The following MDGA2 variants were observed in gnomAD, a reference collection of about 807,000 sequenced individuals.
The protein encoded by MDGA2 is MAM domain containing glycosylphosphatidylinositol anchor 2.
A neutral mutation model predicts 117.8 loss-of-function variants in MDGA2; 40 were observed. The observed-to-expected ratio is 0.34, with a 90% CI of 0.26 to 0.44. MDGA2 has a LOEUF of 0.44. MDGA2 is among the 20% of genes least tolerant of loss of function. MDGA2 has a pLI of 1.00. For synonymous variants in MDGA2, 452 were observed against 439.0 expected, an observed-to-expected ratio of 1.03 and a Z score of -0.37; for missense variants, 1,123 against 1,250.6, an observed-to-expected ratio of 0.90 and a Z score of 1.54.
At chr14:47,233,926 TCTAAGAAAATAGGTGACACAATTGAAA>T (rs1886775423) in intron 2 of MDGA2, among the ~76,000 whole-genome samples, 1 of 152,148 alleles carries the variant, frequency 6.6e-6, no homozygotes, top group Admixed American at 6.5e-5. Context: ...ACTCAGGTCC[TCTAAGAAAATAGGTGACACAATTGAAA>T]CTATTCAGCC....
intron 6 of MDGA2, among the ~76,000 whole-genome samples, chr14:47,082,690 A>G (rs1890752352): frequency 6.6e-6 from 1 of 152,080 alleles, no homozygotes; most frequent in African/African-American, 2.4e-5. Context: ...AGTCAGTAAA[A>G]AATAAGACTT....
intron 7 of MDGA2, chr14:47,058,791 G>C: frequency 1.0e-6 from 1 of 985,454 alleles, no homozygotes; most frequent in Non-Finnish European, 1.2e-6. Flanking sequence ...CTTTAGGTTA[G>C]GCATCATCTT....
intron 2 of MDGA2, among the ~76,000 whole-genome samples, chr14:47,298,548 G>A (rs1190851148): frequency 1.3e-5 from 2 of 152,080 alleles, no homozygotes; most frequent in African/African-American, 4.8e-5. Context: ...TCTCATATCA[G>A]CCAAGAAAAA....
At chr14:46,989,296 C>T (rs1440787739) in intron 8 of MDGA2, among the ~76,000 whole-genome samples, 1 of 150,908 alleles carries the variant, frequency 6.6e-6, no homozygotes, top group Non-Finnish European at 1.5e-5. Context: ...TCCCCCCACA[C>T]ATATCAGAAA....
At chr14:47,412,940 A>C (rs1170567449) in intron 1 of MDGA2, among the ~76,000 whole-genome samples, 1 of 152,218 alleles carries the variant, frequency 6.6e-6, no homozygotes, top group African/African-American at 2.4e-5. Flanking sequence ...AAGGAAATGG[A>C]TGTATCTCAG....
chr14:46,943,127 G>C (rs1165061827), intron 9 of MDGA2, among the ~76,000 whole-genome samples: 1 of 151,940 alleles, frequency 6.6e-6, no homozygotes, highest in Non-Finnish European at 1.5e-5. Context: ...TCCTGTTGTA[G>C]TATTATTGTG....
chr14:47,199,305 T>C (rs1422173381), intron 3 of MDGA2, among the ~76,000 whole-genome samples: 2 of 152,204 alleles, frequency 1.3e-5, no homozygotes, highest in African/African-American at 4.8e-5. Flanking sequence ...CTTCCCATCT[T>C]CCAATTCAAC....
chr14:47,093,602 A>G (rs966007043), intron 6 of MDGA2, among the ~76,000 whole-genome samples: 5 of 152,102 alleles, frequency 3.3e-5, no homozygotes, highest in Non-Finnish European at 7.4e-5. Context: ...TTCTTAAAAA[A>G]CTATAAGAAA....
intron 9 of MDGA2, among the ~76,000 whole-genome samples, chr14:46,953,710 TTAAAG>T (rs1349853296): frequency 4.6e-5 from 7 of 151,988 alleles, no homozygotes; most frequent in African/African-American, 4.8e-5. Context: ...AACAAGTCTG[TTAAAG>T]TAAAGAAATA....
At chr14:47,665,491 G>A (rs1443644730) in intron 1 of MDGA2, among the ~76,000 whole-genome samples, 1 of 152,188 alleles carries the variant, frequency 6.6e-6, no homozygotes, top group Non-Finnish European at 1.5e-5. Flanking sequence ...GGCTGGCTGA[G>A]GCTGGAGCCG....
intron 15 of MDGA2, among the ~76,000 whole-genome samples, chr14:46,852,848 A>C (rs963621414): frequency 6.6e-6 from 1 of 151,920 alleles, no homozygotes; most frequent in Non-Finnish European, 1.5e-5. Flanking sequence ...TAACTCAACT[A>C]TCTTCCCTGA....
chr14:47,130,807 A>G (rs1212641348), intron 5 of MDGA2, among the ~76,000 whole-genome samples: 1 of 152,132 alleles, frequency 6.6e-6, no homozygotes, highest in Non-Finnish European at 1.5e-5. Flanking sequence ...CTAGACCCAG[A>G]CACAAAAAAA....
chr14:46,909,193 T>A (rs2138474693), intron 10 of MDGA2, among the ~76,000 whole-genome samples: 1 of 152,324 alleles, frequency 6.6e-6, no homozygotes, highest in Middle Eastern at 3.4e-3. Flanking sequence ...GAATCAAATC[T>A]TTATTCTTAT....
At chr14:47,342,283 A>C (rs888489715) in intron 1 of MDGA2, among the ~76,000 whole-genome samples, 2 of 139,972 alleles carry the variant, frequency 1.4e-5, no homozygotes, top group Non-Finnish European at 3.1e-5. Context: ...TATATATATA[A>C]AATATGTTAT....
At chr14:47,525,101 A>G (rs966108906) in intron 1 of MDGA2, among the ~76,000 whole-genome samples, 2 of 152,176 alleles carry the variant, frequency 1.3e-5, no homozygotes, top group Non-Finnish European at 2.9e-5. Context: ...GCCTATGTTG[A>G]GTCACAAATT....
intron 1 of MDGA2, among the ~76,000 whole-genome samples, chr14:47,402,037 T>C (rs1892159649): frequency 6.6e-6 from 1 of 152,202 alleles, no homozygotes; most frequent in Admixed American, 6.5e-5. Flanking sequence ...GCGTGTAGTT[T>C]ATTGGTGTCT....
chr14:47,426,321 T>G (rs1007938259), intron 1 of MDGA2, among the ~76,000 whole-genome samples: 1 of 152,034 alleles, frequency 6.6e-6, no homozygotes, highest in African/African-American at 2.4e-5. Context: ...TTATTTATCT[T>G]GTTGATCAAG....
intron 10 of MDGA2, among the ~76,000 whole-genome samples, chr14:46,903,132 TTTG>T (rs1268119010): frequency 2.0e-5 from 3 of 152,220 alleles, no homozygotes; most frequent in South Asian, 2.1e-4. Flanking sequence ...GCTAAGAGTT[TTTG>T]TTGTTGTTGT....
intron 14 of MDGA2, among the ~76,000 whole-genome samples, chr14:46,864,591 G>T (rs1038769836): frequency 0.016 from 298 of 18,464 alleles, no homozygotes; most frequent in Admixed American, 0.02. Context: ...AAGGTTTGTT[G>T]TAACCCTGTG....
Sources: gnomAD v4.1 joint callset for allele counts (sites outside exome capture counted in the v4.1 genomes callset) on GRCh38, gnomAD v4.1.1 for gene constraint, MANE v1.5 for transcripts, NCBI Gene and HGNC (gene_info 2026-07-23, HGNC 2026-07-21) for gene names.